FILIP1L: variants seen among roughly 807,000 people sequenced by gnomAD.
The protein encoded by FILIP1L is filamin A interacting protein 1 like.
In FILIP1L, 55 loss-of-function variants were observed where a neutral mutation model predicts 96.6. That is an observed-to-expected ratio of 0.57 (90% CI 0.46 to 0.71). The LOEUF (loss-of-function observed/expected upper bound fraction) is 0.71. Among genes scored for constraint, FILIP1L ranks in the 30% least tolerant of loss-of-function variants. FILIP1L has a pLI of 0.00. For missense variants in FILIP1L, 1,304 were observed against 1,321.2 expected, an observed-to-expected ratio of 0.99 and a Z score of 0.20; for synonymous variants, 467 against 473.9, an observed-to-expected ratio of 0.99 and a Z score of 0.19.
At chr3:100,070,985 T>G (rs1002780367) in intron 1 of FILIP1L, among the ~76,000 whole-genome samples, 3 of 152,082 alleles carry the variant, frequency 2.0e-5, no homozygotes, top group Non-Finnish European at 4.4e-5. Flanking sequence ...TGTAATGCCC[T>G]TTTTTTGTTT....
At chr3:100,064,455 G>C (rs577493680) in intron 1 of FILIP1L, among the ~76,000 whole-genome samples, 1 of 151,022 alleles carries the variant, frequency 6.6e-6, no homozygotes, top group Non-Finnish European at 1.5e-5. Context: ...GTTCGTGTTT[G>C]CCAGCCCCTT....
chr3:99,929,351 A>G (rs1707397855), intron 3 of FILIP1L, among the ~76,000 whole-genome samples: 1 of 152,240 alleles, frequency 6.6e-6, no homozygotes, highest in Non-Finnish European at 1.5e-5. Flanking sequence ...CTCATCTAAA[A>G]TATATGTTTT....
At chr3:99,962,170 C>T (rs778721057) in intron 1 of FILIP1L, among the ~76,000 whole-genome samples, 5 of 151,992 alleles carry the variant, frequency 3.3e-5, no homozygotes, top group Admixed American at 6.6e-5. Flanking sequence ...TGAGGGGATG[C>T]GTGGTGAGTT....
At chr3:99,960,514 A>C (rs2107701966) in intron 1 of FILIP1L, among the ~76,000 whole-genome samples, 1 of 152,334 alleles carries the variant, frequency 6.6e-6, no homozygotes, top group Middle Eastern at 3.4e-3. Context: ...ATAAAAGATT[A>C]CAGCGTGAAG....
At chr3:100,062,505 C>A (rs960818802) in intron 1 of FILIP1L, among the ~76,000 whole-genome samples, 1 of 152,116 alleles carries the variant, frequency 6.6e-6, no homozygotes, top group Non-Finnish European at 1.5e-5. Context: ...GCCTTGCAGC[C>A]AGTCCCTCAT....
intron 5 of FILIP1L, among the ~76,000 whole-genome samples, chr3:99,842,759 A>G (rs1051959369): frequency 1.3e-5 from 2 of 152,242 alleles, no homozygotes; most frequent in Non-Finnish European, 2.9e-5. Context: ...TCCTGAATAC[A>G]TTTTTATGGT....
chr3:99,879,621 C>T (rs1362226395), intron 4 of FILIP1L, among the ~76,000 whole-genome samples: 1 of 152,138 alleles, frequency 6.6e-6, no homozygotes. Context: ...ATGTTTCTTG[C>T]AGCTACCCAA....
At chr3:100,071,823 G>T (rs1277761367) in intron 1 of FILIP1L, among the ~76,000 whole-genome samples, 1 of 152,042 alleles carries the variant, frequency 6.6e-6, no homozygotes, top group Non-Finnish European at 1.5e-5. Context: ...AGCTCTCAAG[G>T]CTTACACTTA....
intron 4 of FILIP1L, among the ~76,000 whole-genome samples, chr3:99,911,408 C>T (rs911515845): frequency 6.6e-6 from 1 of 151,578 alleles, no homozygotes; most frequent in Non-Finnish European, 1.5e-5. Context: ...ACACACTTAA[C>T]ACAAGGCCTG....
chr3:100,061,370 C>T (rs1206967948), intron 1 of FILIP1L, among the ~76,000 whole-genome samples: 1 of 152,180 alleles, frequency 6.6e-6, no homozygotes, highest in Non-Finnish European at 1.5e-5. Flanking sequence ...GGACCCTGCA[C>T]AGTTTTGCTT....
rs528471367 is a variant in FILIP1L, at chr3:99,960,547, T to C, written c.-10-29517A>G. Reference sequence around the variant, plus strand: ...AAGTGAAATAATCTCCCTCCTCACCTCCTGTAGGTCTTGCCCAAATCATTC... The same window carrying C: ...AAGTGAAATAATCTCCCTCCTCACCCCCTGTAGGTCTTGCCCAAATCATTC... On this transcript the variant is annotated intron_variant, in intron 1 of 5. Transcript: ENST00000477258. Among the ~76,000 whole-genome samples, 3 of 152,294 alleles carry C rather than the reference T, an allele frequency of 2.0e-5. No individual in the cohort carries two copies. The South Asian group carries it at 6.2e-4, about 32-fold the overall frequency.
At chr3:99,880,663 A>T (rs979623541) in intron 4 of FILIP1L, among the ~76,000 whole-genome samples, 17 of 152,022 alleles carry the variant, frequency 1.1e-4, no homozygotes, top group Non-Finnish European at 2.2e-4. Context: ...TTAATTTAAA[A>T]TTTTTTTGTT....
Position 100,097,918 on chromosome 3 carries a change from TATC to T in FILIP1L, c.-11+16132_-11+16134del, listed in dbSNP as rs765472809. On this transcript the variant is annotated intron_variant, in intron 1 of 5. Transcript: ENST00000477258. Reference sequence around the variant, plus strand: ...TATATTTTTACTCAGTAGAAACTCTTATCATTTATTTTGTTGGTTTTTTAAAAT... The same window carrying T: ...TATATTTTTACTCAGTAGAAACTCTTATTTATTTTGTTGGTTTTTTAAAAT... 2.6e-5 allele frequency among the ~76,000 whole-genome samples: 4 copies of T among 152,308 alleles called. No homozygotes were observed. In the South Asian group the frequency reaches 8.3e-4, roughly 32 times the overall value.
intron 1 of FILIP1L, chr3:100,025,613 T>C (rs1182094993): frequency 6.6e-6 from 1 of 152,210 alleles, no homozygotes; most frequent in African/African-American, 2.4e-5. Flanking sequence ...AGCTTCCTGG[T>C]AGACAAAGTG....
chr3:99,902,978 C>G (rs753392036), intron 4 of FILIP1L, among the ~76,000 whole-genome samples: 5 of 152,146 alleles, frequency 3.3e-5, no homozygotes, highest in Non-Finnish European at 7.4e-5. Context: ...AAACCTAGAA[C>G]TGTTAGAATC....
At chr3:100,091,796 AG>A (rs1409823677) in intron 1 of FILIP1L, among the ~76,000 whole-genome samples, 1 of 152,232 alleles carries the variant, frequency 6.6e-6, no homozygotes, top group African/African-American at 2.4e-5. Flanking sequence ...TCCTTAAGAC[AG>A]GATTATTTGC....
At chr3:99,966,514 C>T (rs554100387) in intron 1 of FILIP1L, among the ~76,000 whole-genome samples, 4 of 152,212 alleles carry the variant, frequency 2.6e-5, no homozygotes, top group African/African-American at 7.2e-5. Flanking sequence ...CAAAATAGTA[C>T]GGAGACTTAG....
chr3:100,077,378 G>C (rs1047045743), intron 1 of FILIP1L, among the ~76,000 whole-genome samples: 4 of 152,208 alleles, frequency 2.6e-5, no homozygotes, highest in Non-Finnish European at 4.4e-5. Flanking sequence ...TTCACTGAGA[G>C]TGTTTCAGGA....
At chr3:99,991,366 A>G (rs1709505190) in intron 1 of FILIP1L, among the ~76,000 whole-genome samples, 1 of 152,190 alleles carries the variant, frequency 6.6e-6, no homozygotes, top group African/African-American at 2.4e-5. Context: ...AGGAGTAATA[A>G]TAGTAATTGT....
Sources: gnomAD v4.1 joint callset for allele counts (sites outside exome capture counted in the v4.1 genomes callset) on GRCh38, gnomAD v4.1.1 for gene constraint, MANE v1.5 for transcripts, NCBI Gene and HGNC (gene_info 2026-07-23, HGNC 2026-07-21) for gene names.